Variants in SUPT3H observed in about 807,000 individuals in gnomAD.
SUPT3H encodes transcription initiation protein SPT3 homolog.
SUPT3H carries 44 observed loss-of-function variants against 44.3 expected under a neutral mutation model. That is an observed-to-expected ratio of 0.99 (90% CI 0.78 to 1.28). The LOEUF (loss-of-function observed/expected upper bound fraction) is 1.28. Ranked by LOEUF, SUPT3H falls within the 50% of genes most tolerant of loss-of-function variation. The probability of loss-of-function intolerance (pLI) is 0.00; values close to 1 mark genes in which losing one functional copy is unlikely to be tolerated. For synonymous variants in SUPT3H, 124 were observed against 125.6 expected, an observed-to-expected ratio of 0.99 and a Z score of 0.09; for missense variants, 380 against 387.1, an observed-to-expected ratio of 0.98 and a Z score of 0.15.
rs141525285 is a variant in SUPT3H, at chr6:45,332,673, C to T, written c.101+32528G>A. 4.5e-4 allele frequency among the ~76,000 whole-genome samples: 68 copies of T among 151,722 alleles called. 1 individual carries two copies. The East Asian group carries it at 9.1e-3, about 20-fold the overall frequency. On this transcript the variant is annotated intron_variant, in intron 2 of 10. Transcript: ENST00000371459. ...TAGACATTTTATATGAAGGATTCAC[C>T]GAAACAGTCTACCTCTATAGCATCT...
intron 2 of SUPT3H, among the ~76,000 whole-genome samples, chr6:45,344,916 G>C (rs966627994): frequency 6.6e-6 from 1 of 152,140 alleles, no homozygotes; most frequent in East Asian, 1.9e-4. Context: ...TTTACAAGCA[G>C]GATAGTTTAG....
chr6:45,228,583 C>CCG (rs554416587), intron 2 of SUPT3H, among the ~76,000 whole-genome samples: 10 of 151,984 alleles, frequency 6.6e-5, no homozygotes, highest in African/African-American at 1.9e-4. Flanking sequence ...ATGCAAACAC[C>CCG]CGCGCGCGCG....
chr6:45,367,934 C>T (rs551635298), intron 1 of SUPT3H, among the ~76,000 whole-genome samples: 1 of 152,256 alleles, frequency 6.6e-6, no homozygotes, highest in South Asian at 2.1e-4. Context: ...TTCCCATACC[C>T]ACATTGTTTG....
At chr6:45,352,115 T>G (rs1399992184) in intron 2 of SUPT3H, among the ~76,000 whole-genome samples, 1 of 152,188 alleles carries the variant, frequency 6.6e-6, no homozygotes, top group African/African-American at 2.4e-5. Context: ...TTACCTGACC[T>G]TTTTTATAAG....
At chr6:45,165,631 AT>A (rs1227731737) in intron 2 of SUPT3H, among the ~76,000 whole-genome samples, 1 of 152,224 alleles carries the variant, frequency 6.6e-6, no homozygotes, top group Admixed American at 6.5e-5. Context: ...GAGAAGAAGG[AT>A]TGCAAATGAG....
intron 2 of SUPT3H, chr6:45,250,945 C>CA (rs777959175): frequency 6.6e-6 from 1 of 151,936 alleles, no homozygotes; most frequent in Non-Finnish European, 1.5e-5. Context: ...GCTGGGACTA[C>CA]ACATGAGTAC....
chr6:44,948,321 T>C (rs965176452), intron 9 of SUPT3H, among the ~76,000 whole-genome samples: 4 of 152,306 alleles, frequency 2.6e-5, no homozygotes, highest in South Asian at 2.1e-4. Flanking sequence ...ATTCAGGACA[T>C]AGGCATGGGC....
intron 10 of SUPT3H, among the ~76,000 whole-genome samples, chr6:44,890,995 G>A (rs1582270796): frequency 6.6e-6 from 1 of 151,368 alleles, no homozygotes; most frequent in South Asian, 2.1e-4. Flanking sequence ...GGGGGACTAG[G>A]GGAGGGGTAA....
intron 2 of SUPT3H, among the ~76,000 whole-genome samples, chr6:45,227,711 G>A (rs1204622967): frequency 6.6e-6 from 1 of 152,078 alleles, no homozygotes; most frequent in Admixed American, 6.6e-5. Flanking sequence ...TTTATGCCAT[G>A]AACAATAAGA....
chr6:45,138,175 G>A (rs1183472558), intron 2 of SUPT3H, among the ~76,000 whole-genome samples: 1 of 152,020 alleles, frequency 6.6e-6, no homozygotes, highest in Non-Finnish European at 1.5e-5. Flanking sequence ...TACCAACTAG[G>A]ATGACAATAA....
At chr6:44,869,316 A>G (rs1775983537) in intron 10 of SUPT3H, among the ~76,000 whole-genome samples, 1 of 152,044 alleles carries the variant, frequency 6.6e-6, no homozygotes, top group Non-Finnish European at 1.5e-5. Context: ...TACAAAAACA[A>G]CTCCTTGGGA....
chr6:45,016,590 A>T (rs143085906), intron 4 of SUPT3H, among the ~76,000 whole-genome samples: 174 of 145,552 alleles, frequency 1.2e-3, no homozygotes, highest in African/African-American at 4.2e-3. Flanking sequence ...GAGAACATGC[A>T]GTGTTTGGTT....
At chr6:45,084,619 A>G (rs1796259306) in intron 3 of SUPT3H, among the ~76,000 whole-genome samples, 1 of 152,160 alleles carries the variant, frequency 6.6e-6, no homozygotes, top group Non-Finnish European at 1.5e-5. Context: ...ATGTGTATAC[A>G]CTCAAAGGAA....
intron 2 of SUPT3H, among the ~76,000 whole-genome samples, chr6:45,226,829 A>T (rs1767041337): frequency 6.6e-6 from 1 of 151,834 alleles, no homozygotes; most frequent in Non-Finnish European, 1.5e-5. Context: ...GCGCCTGGCC[A>T]ACAAAAATAT....
intron 3 of SUPT3H, among the ~76,000 whole-genome samples, chr6:45,072,932 T>TA (rs35649149): frequency 2.0e-5 from 3 of 151,240 alleles, no homozygotes; most frequent in Non-Finnish European, 3.0e-5. Flanking sequence ...TTAAAAAGTT[T>TA]AAAAAAAAAG....
intron 10 of SUPT3H, among the ~76,000 whole-genome samples, chr6:44,876,835 TG>T (rs1777371467): frequency 1.7e-5 from 1 of 59,578 alleles, no homozygotes; most frequent in African/African-American, 4.7e-5. Flanking sequence ...GATCTTCAAT[TG>T]AAAAAAAAAA....
intron 10 of SUPT3H, among the ~76,000 whole-genome samples, chr6:44,885,982 G>C (rs527767384): frequency 1.3e-5 from 2 of 152,302 alleles, no homozygotes; most frequent in South Asian, 2.1e-4. Context: ...CAAGCCTCAG[G>C]AGCCGATTAG....
intron 3 of SUPT3H, among the ~76,000 whole-genome samples, chr6:45,071,595 G>A (rs1471357981): frequency 6.6e-6 from 1 of 152,132 alleles, no homozygotes; most frequent in Non-Finnish European, 1.5e-5. Context: ...CCAGAACCCT[G>A]AGCCATGTAT....
At chr6:44,839,132 A>T (rs1770468113) in intron 10 of SUPT3H, among the ~76,000 whole-genome samples, 1 of 151,644 alleles carries the variant, frequency 6.6e-6, no homozygotes, top group African/African-American at 2.4e-5. Flanking sequence ...TACTCATTTT[A>T]TTGGGTATTA....
Sources: allele counts gnomAD v4.1 joint callset (sites outside exome capture counted in the v4.1 genomes callset), GRCh38; gene constraint gnomAD v4.1.1; transcripts MANE v1.5; gene names NCBI Gene and HGNC (gene_info 2026-07-23, HGNC 2026-07-21).